CCNB1IP1: variants seen among roughly 807,000 people sequenced by gnomAD.
The protein encoded by CCNB1IP1 is cyclin B1 interacting protein 1, also known as E3 ubiquitin-protein ligase CCNB1IP1.
In CCNB1IP1, 14 loss-of-function variants were observed where a neutral mutation model predicts 25.6. The ratio of observed to expected loss-of-function variants is 0.55; its 90% CI spans 0.36 to 0.85. The LOEUF is 0.85. Ranked by LOEUF, CCNB1IP1 falls within the 40% of genes least tolerant of loss-of-function variation. The pLI is 0.01. For missense variants in CCNB1IP1, 278 were observed against 342.4 expected, an observed-to-expected ratio of 0.81 and a Z score of 1.48; for synonymous variants, 119 against 116.1, an observed-to-expected ratio of 1.02 and a Z score of -0.16.
At chr14:20,319,673 G>A (rs1454436270) in intron 4 of CCNB1IP1, among the ~76,000 whole-genome samples, 3 of 152,104 alleles carry the variant, frequency 2.0e-5, no homozygotes, top group Non-Finnish European at 4.4e-5. Context: ...GACATTGATT[G>A]CGGGTTTTTA....
At chr14:20,322,041 T>C (rs61995537) in intron 4 of CCNB1IP1, among the ~76,000 whole-genome samples, 6,917 of 152,322 alleles carry the variant, frequency 0.045, 224 homozygotes, top group Middle Eastern at 0.1. Flanking sequence ...TTTAACTCAA[T>C]GATAAATATC....
At chr14:20,313,822 A>C in intron 5 of CCNB1IP1, 21 bp from the exon 6 acceptor site, 1 of 1,511,944 alleles carries the variant, frequency 6.6e-7, no homozygotes, top group Non-Finnish European at 8.8e-7. Flanking sequence ...AAGAAAAAAG[A>C]TTTTTAAGGT....
rs750956135 is a variant in CCNB1IP1, at chr14:20,311,533, G to A, written c.*17C>T. 33 of 1,607,416 alleles carry A rather than the reference G, an allele frequency of 2.1e-5. No individual in the cohort carries two copies. The highest frequency in any genetic ancestry group is 1.3e-4 in the East Asian group (6 of 44,854). ...CCTAAGTAGCTGGGATCACAGGTGC[G>A]TGACACTATGCGTGGCTCAAATTCT... On this transcript the variant is annotated 3_prime_UTR_variant, in exon 7 of 7. Transcript: ENST00000358932.
chr14:20,323,782 G>C (rs1386329542), intron 4 of CCNB1IP1, among the ~76,000 whole-genome samples: 1 of 151,906 alleles, frequency 6.6e-6, no homozygotes, highest in Admixed American at 6.6e-5. Flanking sequence ...GCCAGGCGTG[G>C]TGGCGGGCGC....
chr14:20,313,528 G>A lies in CCNB1IP1; in HGVS notation c.571C>T (p.His191Tyr), dbSNP rs139806744. 1.9e-6 allele frequency: 3 copies of A among 1,613,852 alleles called. No individual in the cohort carries two copies. Among genetic ancestry groups the A allele is most frequent in the Non-Finnish European group, 2.5e-6 (3 of 1,179,942 alleles). Reference protein sequence around the residue: ...LRLRNITIANHEGTLEPSMIA... With the variant: ...LRLRNITIANYEGTLEPSMIA... ...ATGGATGGTTCAAGGGTGCCTTCAT[G>A]GTTAGCAATAGTGATGTTTCGTAGC... is the stretch of plus-strand genomic sequence containing the variant. The change falls in exon 6 of 7, where the codon CAT becomes TAT. Residue 191 changes from histidine to tyrosine, a missense_variant. His to Tyr is a moderately conservative substitution (Grantham distance 83, BLOSUM62 2). Coordinates refer to ENST00000358932, the MANE Select transcript of CCNB1IP1 (RefSeq NM_021178.5).
intron 4 of CCNB1IP1, among the ~76,000 whole-genome samples, chr14:20,317,234 A>T (rs1882733367): frequency 6.6e-6 from 1 of 151,668 alleles, no homozygotes; most frequent in African/African-American, 2.4e-5. Context: ...GTGAAATCCC[A>T]TCTCTACTAA....
At chr14:20,312,212 A>G (rs540889149) in intron 6 of CCNB1IP1, among the ~76,000 whole-genome samples, 3 of 152,362 alleles carry the variant, frequency 2.0e-5, no homozygotes, top group Non-Finnish European at 4.4e-5. Context: ...TATGAAAAAA[A>G]TAAGACAAAT....
At chr14:20,322,438 A>G (rs2138860704) in intron 4 of CCNB1IP1, among the ~76,000 whole-genome samples, 1 of 152,204 alleles carries the variant, frequency 6.6e-6, no homozygotes. Flanking sequence ...GGAGTTTACA[A>G]TCTACCAAAG....
chr14:20,331,613 C>T (rs1883236423), intron 1 of CCNB1IP1, among the ~76,000 whole-genome samples: 2 of 152,050 alleles, frequency 1.3e-5, no homozygotes, highest in Non-Finnish European at 1.5e-5. Flanking sequence ...CATAAACTAT[C>T]TGAATACCTA....
intron 5 of CCNB1IP1, among the ~76,000 whole-genome samples, chr14:20,314,908 G>C (rs968551638): frequency 6.6e-6 from 1 of 150,900 alleles, no homozygotes; most frequent in Non-Finnish European, 1.5e-5. Context: ...TGGCTAACAC[G>C]GTGAAACCCC....
At chr14:20,316,614 A>G in intron 4 of CCNB1IP1, 54 bp from the exon 5 acceptor site, 1 of 1,000,496 alleles carries the variant, frequency 1.0e-6, no homozygotes, top group Non-Finnish European at 1.5e-6. Flanking sequence ...TGAAAATAAA[A>G]GTAAAAAAGA....
intron 4 of CCNB1IP1, chr14:20,323,450 C>T (rs949636166): frequency 4.6e-5 from 7 of 152,192 alleles, no homozygotes; most frequent in Admixed American, 2.0e-4. Context: ...GGCATGGTGG[C>T]CTGTGGTCCC....
intron 4 of CCNB1IP1, among the ~76,000 whole-genome samples, chr14:20,322,930 G>T (rs956345957): frequency 6.6e-6 from 1 of 152,050 alleles, no homozygotes; most frequent in Non-Finnish European, 1.5e-5. Flanking sequence ...GCCAAAAAGT[G>T]TATTTTTAAA....
At chr14:20,312,514 T>TC (rs1175346653) in intron 6 of CCNB1IP1, among the ~76,000 whole-genome samples, 7 of 151,924 alleles carry the variant, frequency 4.6e-5, no homozygotes, top group Non-Finnish European at 1.0e-4. Context: ...ATACTTTTTA[T>TC]AAGACATCAG....
intron 4 of CCNB1IP1, chr14:20,318,970 C>G (rs562347548): frequency 6.6e-6 from 1 of 152,328 alleles, no homozygotes; most frequent in East Asian, 1.9e-4. Flanking sequence ...GCCATGTTGG[C>G]CAAGCTGGTT....
rs373149506 is a variant in CCNB1IP1, at chr14:20,326,122, CTG to C, written c.-152-471_-152-470del. ...CTTCACAAAATTGATTTAACCAACT[CTG>C]TGTTTCCTTTAATCTACATGTATAG... On this transcript the variant is annotated intron_variant, in intron 3 of 6. Transcript: ENST00000358932. 1.4e-3 allele frequency among the ~76,000 whole-genome samples: 220 copies of C among 152,264 alleles called. 1 individual carries two copies. Among genetic ancestry groups the C allele is most frequent in the African/African-American group, 5.0e-3 (208 of 41,548 alleles).
In CCNB1IP1 at chr14:20,316,536, A is replaced by G. The variant is rs1184496114; in HGVS notation, c.-13T>C. 3 of 1,593,240 alleles carry G rather than the reference A, an allele frequency of 1.9e-6. No individual in the cohort carries two copies. The highest frequency in any genetic ancestry group is 1.1e-5 in the South Asian group (1 of 90,908). On this transcript the variant is annotated 5_prime_UTR_variant, in exon 5 of 7. Transcript: ENST00000358932. ...CACACAAAGACATAATAGGATAGTG[A>G]GGTCTCCAGAAGCTGAAGAGAGGCC...
intron 4 of CCNB1IP1, among the ~76,000 whole-genome samples, chr14:20,320,694 A>G (rs1432643982): frequency 6.6e-6 from 1 of 151,678 alleles, no homozygotes; most frequent in Non-Finnish European, 1.5e-5. Context: ...AATCCCAGCT[A>G]CTTGGGAGGC....
intron 4 of CCNB1IP1, chr14:20,319,069 C>G (rs1228470705): frequency 6.6e-6 from 1 of 152,226 alleles, no homozygotes; most frequent in Non-Finnish European, 1.5e-5. Context: ...AGCCTTATAC[C>G]GTCTTTTGTA....
Sources: allele counts gnomAD v4.1 joint callset (sites outside exome capture counted in the v4.1 genomes callset), GRCh38; gene constraint gnomAD v4.1.1; transcripts MANE v1.5; gene names NCBI Gene and HGNC (gene_info 2026-07-23, HGNC 2026-07-21).